CD40: variants seen among roughly 807,000 people sequenced by gnomAD.
CD40 encodes tumor necrosis factor receptor superfamily member 5.
In CD40, 19 loss-of-function variants were observed where a neutral mutation model predicts 38.5. The observed-to-expected ratio is 0.49, with a 90% CI of 0.34 to 0.72. The LOEUF is 0.72. CD40 is among the 30% of genes least tolerant of loss of function. The pLI is 0.01. For missense variants in CD40, 256 were observed against 344.1 expected, an observed-to-expected ratio of 0.74 and a Z score of 2.03; for synonymous variants, 130 against 128.7, an observed-to-expected ratio of 1.01 and a Z score of -0.07.
At position 46,122,482 on chromosome 20, in the gene CD40, T is replaced by C; in HGVS notation, c.256+124T>C. ...GTTGGAGTCCGGGCTGTACTGATCA[T>C]TAAATGATTTGATTGCCATCTCTAC... is the stretch of plus-strand genomic sequence containing the variant. On this transcript the variant is annotated intron_variant, in intron 3 of 8. Coordinates refer to ENST00000372285, the MANE Select transcript of CD40 (RefSeq NM_001250.6). This position sits in a 1 kb window ranked among gnomAD's most constrained non-coding sequence, Gnocchi z 5.0. The C allele has an allele frequency of 6.4e-7, 1 of 1,566,934 alleles. No homozygotes were observed. Among genetic ancestry groups the C allele is most frequent in the Admixed American group, 1.7e-5 (1 of 59,792 alleles).
intron 2 of CD40, 69 bp downstream of exon 2, chr20:46,121,967 A>G: frequency 1.6e-6 from 2 of 1,284,826 alleles, no homozygotes; most frequent in Non-Finnish European, 2.3e-6. Context: ...CAGACCCCAT[A>G]TGTTAACTGT....
chr20:46,121,862 C>T lies in CD40; in HGVS notation c.94C>T (p.Leu32=). The change falls in exon 2 of 9, where the codon CTA becomes TTA. Residue 32 remains leucine, a synonymous_variant. Coordinates refer to ENST00000372285, the MANE Select transcript of CD40 (RefSeq NM_001250.6). The stretch of plus-strand genomic sequence containing the variant: ...CACTGCATGCAGAGAAAAACAGTAC[C>T]TAATAAACAGTCAGTGCTGTTCTTT... ...PPTACREKQY[L]INSQCCSLCQ... is the part of the protein sequence containing the mutation. 1 of 1,614,114 alleles carries T rather than the reference C, an allele frequency of 6.2e-7. No homozygotes were observed. Among genetic ancestry groups the T allele is most frequent in the Non-Finnish European group, 8.5e-7 (1 of 1,179,960 alleles).
chr20:46,122,727 G>A lies in CD40; in HGVS notation c.374G>A (p.Cys125Tyr). The A allele has an allele frequency of 6.2e-7, 1 of 1,614,172 alleles. No individual in the cohort carries two copies. The highest frequency in any genetic ancestry group is 8.5e-7 in the Non-Finnish European group (1 of 1,180,040). ...ACESCVLHRS[C>Y]SPGFGVKQIA... is the part of the protein sequence containing the mutation. Reference sequence around the variant, plus strand: ...GAGAGCTGTGTCCTGCACCGCTCATGCTCGCCCGGCTTTGGGGTCAAGCAG... The same window carrying A: ...GAGAGCTGTGTCCTGCACCGCTCATACTCGCCCGGCTTTGGGGTCAAGCAG... The change falls in exon 4 of 9, where the codon TGC (cysteine) becomes TAC (tyrosine). Residue 125 changes from cysteine to tyrosine, a missense_variant. By Grantham distance (194) the Cys-to-Tyr change is radical (BLOSUM62 -2). Coordinates refer to ENST00000372285, the MANE Select transcript of CD40 (RefSeq NM_001250.6). This position sits in a 1 kb window ranked among gnomAD's most constrained non-coding sequence, Gnocchi z 5.0.
At chr20:46,126,082 G>A (rs2085429378) in intron 5 of CD40, among the ~76,000 whole-genome samples, 1 of 152,184 alleles carries the variant, frequency 6.6e-6, no homozygotes, top group East Asian at 1.9e-4. Context: ...TTTGCTCCCT[G>A]TGGAACGTTT....
Position 46,123,000 on chromosome 20 carries a change from T to C in CD40, c.404-126T>C, listed in dbSNP as rs1308143913. 2 of 909,720 alleles carry C rather than the reference T, an allele frequency of 2.2e-6. No individual in the cohort carries two copies. Among genetic ancestry groups the C allele is most frequent in the African/African-American group, 1.6e-5 (1 of 61,504 alleles). The allele number at this position is 909,720 out of a possible 1,614,324, so 56.4% of individuals were successfully genotyped here. On this transcript the variant is annotated intron_variant, in intron 4 of 8. Transcript: ENST00000372285. The surrounding 1 kb of genome is among the most constrained non-coding windows in gnomAD (Gnocchi z 5.0). ...TGGGGACTGCAGCTGTCGGGGGCAG[T>C]ACCACATCGGGGGAAGAGTGCTCAA...
chr20:46,124,562 G>A (rs1600660353), intron 5 of CD40, among the ~76,000 whole-genome samples: 1 of 151,702 alleles, frequency 6.6e-6, no homozygotes, highest in South Asian at 2.1e-4. Context: ...ACAAATAGGA[G>A]TATACATTTT....
At position 46,122,288 on chromosome 20, in the gene CD40, C is replaced by A; in HGVS notation, c.186C>A (p.Cys62Ter). 3.1e-6 allele frequency: 5 copies of A among 1,614,124 alleles called. No individual in the cohort carries two copies. Among genetic ancestry groups the A allele is most frequent in the Non-Finnish European group, 4.2e-6 (5 of 1,180,002 alleles). The stretch of plus-strand genomic sequence containing the variant: ...TCACTGAAACGGAATGCCTTCCTTG[C>A]GGTGAAAGCGAATTCCTAGACACCT... The part of the protein sequence containing the change: ...TEFTETECLP[C>*]GESEFLDTWN... Residue 62 changes from cysteine (C) to a stop codon, truncating the protein, a stop_gained, in exon 3 of 9, where the codon TGC (cysteine) becomes TGA (stop). Coordinates refer to ENST00000372285, the MANE Select transcript of CD40 (RefSeq NM_001250.6). LOFTEE classifies it high-confidence loss of function. The surrounding 1 kb of genome is among the most constrained non-coding windows in gnomAD (Gnocchi z 5.0).
At chr20:46,125,219 T>C (rs1379372737) in intron 5 of CD40, among the ~76,000 whole-genome samples, 1 of 151,866 alleles carries the variant, frequency 6.6e-6, no homozygotes, top group Non-Finnish European at 1.5e-5. Context: ...ACATGTAAAG[T>C]GTATTGTAAA....
At chr20:46,128,500 C>T (rs549558844) in intron 8 of CD40, 142 bp downstream of exon 8, 2 of 893,242 alleles carry the variant, frequency 2.2e-6, no homozygotes, top group South Asian at 1.4e-5. Context: ...CTGTCATCCC[C>T]ACCCACCATG....
chr20:46,127,862 C>T, intron 6 of CD40: 1 of 525,426 alleles, frequency 1.9e-6, no homozygotes, highest in South Asian at 2.1e-5. Context: ...AACTGGAACC[C>T]AGTCTTCCCA....
At chr20:46,119,164 T>C (rs1053967284) in intron 1 of CD40, among the ~76,000 whole-genome samples, 2 of 152,194 alleles carry the variant, frequency 1.3e-5, no homozygotes, top group African/African-American at 4.8e-5. Context: ...ATCTCCGGGA[T>C]TTTCAGAAGC....
rs186596965 is a variant in CD40 at position 46,120,023 on chromosome 20, A to G, written c.51+1629A>G. 2.3e-3 allele frequency among the ~76,000 whole-genome samples: 353 copies of G among 152,202 alleles called. 3 individuals carry two copies. The highest frequency in any genetic ancestry group is 4.6e-3 in the African/African-American group (191 of 41,526). On this transcript the variant is annotated intron_variant, in intron 1 of 8. Transcript: ENST00000372285. ...CACGTTCACAGGATGGTGTCTTGCAATGAGCTGGTGGGGGGCAGTAGCCTT... is the reference window on the plus strand; with the variant it reads ...CACGTTCACAGGATGGTGTCTTGCAGTGAGCTGGTGGGGGGCAGTAGCCTT...
chr20:46,129,840 A>G lies in CD40; in HGVS notation c.*800A>G, dbSNP rs1433557720. 6.6e-6 allele frequency: 1 copy of G among 152,214 alleles called. No individual in the cohort carries two copies. Among genetic ancestry groups the G allele is most frequent in the Non-Finnish European group, 1.5e-5 (1 of 68,040 alleles). The allele number at this position is 152,214 out of a possible 1,614,324, so 9.4% of individuals were successfully genotyped here. A position where few individuals can be genotyped will look rare whatever the true frequency, so the allele number is the denominator to read the frequency against. ...CACATAATGCTTATGTAATTAAAAA[A>G]TCATCAAACATGTAAAAAGAAAAAC... is the stretch of plus-strand genomic sequence containing the variant. On this transcript the variant is annotated 3_prime_UTR_variant, in exon 9 of 9. Coordinates refer to ENST00000372285, the MANE Select transcript of CD40 (RefSeq NM_001250.6).
At chr20:46,126,860 T>C in intron 6 of CD40, 159 bp downstream of exon 6, 1 of 1,170,610 alleles carries the variant, frequency 8.5e-7, no homozygotes, top group South Asian at 1.3e-5. Flanking sequence ...TCTGGGCAAA[T>C]CACTTCCCCT....
In CD40 at chr20:46,124,751, G is replaced by GTTTTTTTTTT. The variant is rs780015926; in HGVS notation, c.497+1556_497+1565dup. Among the ~76,000 whole-genome samples, 203 of 73,944 alleles carry GTTTTTTTTTT rather than the reference G, an allele frequency of 2.7e-3. 35 individuals carry two copies. Among genetic ancestry groups the GTTTTTTTTTT allele is most frequent in the Non-Finnish European group, 3.8e-3 (156 of 40,970 alleles). The allele number at this position is 73,944 out of a possible 152,430, so 48.5% of individuals were successfully genotyped here. A position where few individuals can be genotyped will look rare whatever the true frequency, so the allele number is the denominator to read the frequency against. On this transcript the variant is annotated intron_variant, in intron 5 of 8. Transcript: ENST00000372285. ...GATAACTGGAGGCACCACTGGTATAGTTTTTTTTTTTTTTTTTTTTTTTTT... is the reference window on the plus strand; with the variant it reads ...GATAACTGGAGGCACCACTGGTATAGTTTTTTTTTTTTTTTTTTTTTTTTTTTTTTTTTTT...
intron 5 of CD40, among the ~76,000 whole-genome samples, chr20:46,124,933 A>AT (rs1262850064): frequency 1.3e-5 from 2 of 151,014 alleles, no homozygotes; most frequent in African/African-American, 2.4e-5. Context: ...CACCCGGCTA[A>AT]TTTTTTTGTA....
In CD40 at chr20:46,122,021, G is replaced by A; in HGVS notation, c.130+123G>A. The stretch of plus-strand genomic sequence containing the variant: ...ACCCATTTCCCAGCCCTGCTTCACT[G>A]TCAGAATGTTCTGGTTCCCTCTCTA... On this transcript the variant is annotated intron_variant, in intron 2 of 8. Transcript: ENST00000372285. This position sits in a 1 kb window ranked among gnomAD's most constrained non-coding sequence, Gnocchi z 5.0. 1 of 1,045,322 alleles carries A rather than the reference G, an allele frequency of 9.6e-7. No homozygotes were observed. Among genetic ancestry groups the A allele is most frequent in the East Asian group, 2.5e-5 (1 of 40,412 alleles). The allele number at this position is 1,045,322 out of a possible 1,614,324, so 64.8% of individuals were successfully genotyped here. A position where few individuals can be genotyped will look rare whatever the true frequency, so the allele number is the denominator to read the frequency against.
intron 6 of CD40, chr20:46,126,961 A>T: frequency 1.8e-6 from 1 of 545,660 alleles, no homozygotes; most frequent in Non-Finnish European, 3.3e-6. Flanking sequence ...GTTGGCCTAC[A>T]GTAAAGATCA....
intron 8 of CD40, 186 bp downstream of exon 8, chr20:46,128,544 C>T: frequency 1.3e-6 from 1 of 741,550 alleles, no homozygotes; most frequent in Non-Finnish European, 2.4e-6. Flanking sequence ...CCCCACAGAA[C>T]TGCCCCTGGC....
Sources: gnomAD v4.1 joint callset for allele counts (sites outside exome capture counted in the v4.1 genomes callset) on GRCh38, gnomAD v4.1.1 for gene constraint, Gnocchi (gnomAD v3.1) non-coding constraint, MANE v1.5 for transcripts, NCBI Gene and HGNC (gene_info 2026-07-23, HGNC 2026-07-21) for gene names.